The following TNFRSF13B variants were observed in gnomAD, a reference collection of about 807,000 sequenced individuals.
TNFRSF13B encodes TNF receptor superfamily member 13B.
A neutral mutation model predicts 24.0 loss-of-function variants in TNFRSF13B; 34 were observed. That is an observed-to-expected ratio of 1.41 (90% CI 1.08 to 1.88). The LOEUF is 1.88. Among genes scored for constraint, TNFRSF13B ranks in the 40% most tolerant of loss-of-function variants. TNFRSF13B has a pLI of 0.00. For synonymous variants in TNFRSF13B, 173 were observed against 150.3 expected (o/e 1.15, Z -1.10); for missense variants, 415 against 380.8 (o/e 1.09, Z -0.75).
intron 1 of TNFRSF13B, among the ~76,000 whole-genome samples, chr17:16,959,946 A>G (rs1160342153): frequency 6.6e-6 from 1 of 152,170 alleles, no homozygotes; most frequent in Non-Finnish European, 1.5e-5. Context: ...AAGAGAAAAG[A>G]ACACTTCCTA....
chr17:16,962,835 G>A (rs1288703303), intron 1 of TNFRSF13B, among the ~76,000 whole-genome samples: 1 of 152,054 alleles, frequency 6.6e-6, no homozygotes, highest in Non-Finnish European at 1.5e-5. Context: ...AACTGAAAAC[G>A]CACCCCTCCT....
intron 1 of TNFRSF13B, among the ~76,000 whole-genome samples, chr17:16,965,668 T>C (rs1194826167): frequency 6.6e-6 from 1 of 152,020 alleles, no homozygotes; most frequent in Non-Finnish European, 1.5e-5. Flanking sequence ...GGTGGCCTGG[T>C]GGGGAAAGGT....
At chr17:16,952,785 C>G (rs780335323) in intron 1 of TNFRSF13B, among the ~76,000 whole-genome samples, 27 of 152,248 alleles carry the variant, frequency 1.8e-4, no homozygotes, top group Non-Finnish European at 3.8e-4. Context: ...CCTCTCCAGC[C>G]TCAGTTTCCC....
intron 1 of TNFRSF13B, among the ~76,000 whole-genome samples, chr17:16,954,753 T>C (rs1047849009): frequency 4.6e-5 from 7 of 152,122 alleles, no homozygotes; most frequent in African/African-American, 1.7e-4. Context: ...GAAACTTACA[T>C]AAAGAGGGTG....
intron 3 of TNFRSF13B, 114 bp downstream of exon 3, chr17:16,948,624 G>T (rs1301400765): frequency 1.7e-5 from 25 of 1,470,814 alleles, no homozygotes; most frequent in Non-Finnish European, 2.3e-5. Flanking sequence ...CTGGCCATTT[G>T]CTTGGACTCT....
rs576176848 is a variant in TNFRSF13B, at chr17:16,951,678, C to T, written c.199+768G>A. Among the ~76,000 whole-genome samples the T allele has an allele frequency of 1.1e-4, 16 of 152,266 alleles. No homozygotes were observed. The East Asian group carries it at 2.9e-3, about 28-fold the overall frequency. On this transcript the variant is annotated intron_variant, in intron 2 of 4. Coordinates refer to ENST00000261652, the MANE Select transcript of TNFRSF13B (RefSeq NM_012452.3). ...CCGAGGTGGGTGGATCACCTAAGGTCAGGAGTTCAAGACCAGCCTGACCAA... is the reference window on the plus strand; with the variant it reads ...CCGAGGTGGGTGGATCACCTAAGGTTAGGAGTTCAAGACCAGCCTGACCAA...
intron 1 of TNFRSF13B, 60 bp downstream of exon 1, chr17:16,971,955 C>G: frequency 6.3e-7 from 1 of 1,587,718 alleles, no homozygotes. Context: ...CCACGGCACT[C>G]AGGCCCAACC....
At chr17:16,941,579 C>G (rs969548422) in intron 3 of TNFRSF13B, 26 of 987,434 alleles carry the variant, frequency 2.6e-5, no homozygotes, top group East Asian at 1.1e-4. Context: ...CTTCATCTTC[C>G]CGCTCTGATG....
At chr17:16,953,090 C>A (rs1029315812) in intron 1 of TNFRSF13B, among the ~76,000 whole-genome samples, 4 of 152,240 alleles carry the variant, frequency 2.6e-5, no homozygotes, top group African/African-American at 9.6e-5. Flanking sequence ...TTACCTGTTG[C>A]TGTGGTCACT....
intron 1 of TNFRSF13B, among the ~76,000 whole-genome samples, chr17:16,955,213 T>G (rs902186503): frequency 6.6e-6 from 1 of 152,084 alleles, no homozygotes; most frequent in Non-Finnish European, 1.5e-5. Flanking sequence ...TGGCCAAGGG[T>G]CACCTGATAT....
At chr17:16,946,805 C>T (rs2087552919) in intron 3 of TNFRSF13B, among the ~76,000 whole-genome samples, 1 of 152,236 alleles carries the variant, frequency 6.6e-6, no homozygotes, top group Admixed American at 6.5e-5. Context: ...TCCGGCTGAT[C>T]TTGAACTCCG....
intron 3 of TNFRSF13B, chr17:16,940,808 TGGGTG>T: frequency 2.3e-6 from 3 of 1,331,412 alleles, no homozygotes; most frequent in Non-Finnish European, 2.9e-6. Context: ...GATGGGCTGA[TGGGTG>T]AATCGACAGA....
intron 1 of TNFRSF13B, 152 bp from the exon 2 acceptor site, chr17:16,952,735 C>A (rs2087598661): frequency 1.7e-6 from 2 of 1,175,940 alleles, no homozygotes; most frequent in Non-Finnish European, 2.4e-6. Flanking sequence ...TGGCTTCTAG[C>A]CCCCACTGCA....
chr17:16,950,775 C>T (rs1293202717), intron 2 of TNFRSF13B, among the ~76,000 whole-genome samples: 1 of 152,146 alleles, frequency 6.6e-6, no homozygotes, highest in Non-Finnish European at 1.5e-5. Flanking sequence ...CCTCCCCTCC[C>T]CCGCCTGGGA....
rs780655897 is a variant in TNFRSF13B at position 16,948,930 on chromosome 17, C to T, written c.253G>A (p.Asp85Asn). The change falls in exon 3 of 5, where the codon GAC (aspartate) becomes AAC (asparagine). Residue 85 changes from aspartate to asparagine, a missense_variant. By Grantham distance (23) the Asp-to-Asn change is conservative. Coordinates refer to ENST00000261652, the MANE Select transcript of TNFRSF13B (RefSeq NM_012452.3). ...CAGATGGAGGCACAGCTGATGCAGT[C>T]CCTCAGGAGATGGTCATAGAACTTG... ...QGKFYDHLLRDCISCASICGQ... is the reference protein window; with the variant it reads ...QGKFYDHLLRNCISCASICGQ... 8.1e-6 allele frequency: 13 copies of T among 1,614,202 alleles called. No individual in the cohort carries two copies. The highest frequency in any genetic ancestry group is 1.1e-5 in the Non-Finnish European group (13 of 1,180,046).
intron 1 of TNFRSF13B, among the ~76,000 whole-genome samples, chr17:16,959,305 A>C (rs1474857867): frequency 6.6e-6 from 1 of 152,220 alleles, no homozygotes; most frequent in African/African-American, 2.4e-5. Flanking sequence ...ACATACCAAA[A>C]GTTATGAAAT....
intron 1 of TNFRSF13B, among the ~76,000 whole-genome samples, chr17:16,963,200 G>C (rs1482885477): frequency 6.6e-6 from 1 of 152,198 alleles, no homozygotes; most frequent in East Asian, 1.9e-4. Context: ...TGCCTAGTAT[G>C]GTATTGAGCA....
rs551003887 is a variant in TNFRSF13B at position 16,943,524 on chromosome 17, A to G, written c.446-3013T>C. Reference sequence around the variant, plus strand: ...GGTCTCTGGTTCCTATTATTGCCAGAAGTAGCCTCTCACAGGGCCCCTGCT... The same window carrying G: ...GGTCTCTGGTTCCTATTATTGCCAGGAGTAGCCTCTCACAGGGCCCCTGCT... On this transcript the variant is annotated intron_variant, in intron 3 of 4. Coordinates refer to ENST00000261652, the MANE Select transcript of TNFRSF13B (RefSeq NM_012452.3). 1.6e-4 allele frequency among the ~76,000 whole-genome samples: 25 copies of G among 152,182 alleles called. No individual in the cohort carries two copies. The South Asian group carries it at 5.0e-3, about 30-fold the overall frequency.
chr17:16,959,176 T>G (rs901799207), intron 1 of TNFRSF13B, among the ~76,000 whole-genome samples: 1 of 151,960 alleles, frequency 6.6e-6, no homozygotes, highest in African/African-American at 2.4e-5. Flanking sequence ...AGAAGGAAAA[T>G]TGGAAAATTC....
Sources: allele counts gnomAD v4.1 joint callset (sites outside exome capture counted in the v4.1 genomes callset), GRCh38; gene constraint gnomAD v4.1.1; transcripts MANE v1.5; gene names NCBI Gene and HGNC (gene_info 2026-07-23, HGNC 2026-07-21).